Variants in MEGF11 observed in about 807,000 individuals in gnomAD.
MEGF11 encodes the protein multiple epidermal growth factor-like domains protein 11.
A neutral mutation model predicts 146.6 loss-of-function variants in MEGF11; 126 were observed. The observed-to-expected ratio is 0.86, with a 90% CI of 0.74 to 1.00. The LOEUF is 1.00. MEGF11 is among the 50% of genes least tolerant of loss of function. MEGF11 has a pLI of 0.00. For synonymous variants in MEGF11, 532 were observed against 583.4 expected (o/e 0.91, Z 1.27); for missense variants, 1,509 against 1,521.2 (o/e 0.99, Z 0.13).
Position 65,930,806 on chromosome 15 carries a change from G to A in MEGF11, c.1408+17C>T. 1 of 1,596,038 alleles carries A rather than the reference G, an allele frequency of 6.3e-7. No individual in the cohort carries two copies. Among genetic ancestry groups the A allele is most frequent in the Middle Eastern group, 1.7e-4 (1 of 6,010 alleles). ...GCTCATATGTCAGGGATGGGCTTGGGAGAGAGGGCACATTACCTTCCTTGC... is the reference window on the plus strand; with the variant it reads ...GCTCATATGTCAGGGATGGGCTTGGAAGAGAGGGCACATTACCTTCCTTGC... On this transcript the variant is annotated intron_variant, in intron 11 of 25. Coordinates refer to ENST00000395614, the MANE Select transcript of MEGF11 (RefSeq NM_001385028.1).
intron 1 of MEGF11, among the ~76,000 whole-genome samples, chr15:66,196,151 G>A (rs1290792178): frequency 6.6e-6 from 1 of 152,122 alleles, no homozygotes; most frequent in Non-Finnish European, 1.5e-5. Flanking sequence ...GGGAAAGCAG[G>A]CAGGTGGTAC....
intron 4 of MEGF11, among the ~76,000 whole-genome samples, chr15:66,103,773 C>G (rs73485568): frequency 3.2e-3 from 489 of 152,272 alleles, no homozygotes; most frequent in Non-Finnish European, 5.4e-3. Context: ...AACAGCACAT[C>G]GTAGTCTTTA....
rs769483111 is a variant in MEGF11 at position 65,913,914 on chromosome 15, C to T, written c.2533G>A (p.Glu845Lys). ...YTKISPALGA[E>K]RHSVGAVTGI... ...GTGACAGCACCCACCGAGTGCCGCT[C>T]TGCACCCAGTGCTGGGCTGATCTTG... Residue 845 changes from glutamate (E) to lysine (K), a missense_variant, in exon 20 of 26, where the codon GAG becomes AAG. Coordinates refer to ENST00000395614, the MANE Select transcript of MEGF11 (RefSeq NM_001385028.1). The T allele has an allele frequency of 6.2e-7, 1 of 1,614,052 alleles. No individual in the cohort carries two copies. Among genetic ancestry groups the T allele is most frequent in the Non-Finnish European group, 8.5e-7 (1 of 1,179,900 alleles).
chr15:66,119,678 T>TGG (rs2087922679), intron 3 of MEGF11, among the ~76,000 whole-genome samples: 3 of 152,094 alleles, frequency 2.0e-5, no homozygotes, highest in Non-Finnish European at 2.9e-5. Flanking sequence ...AAGGACCCTT[T>TGG]GAGTCCAACT....
At chr15:66,167,188 T>TG (rs1303937864) in intron 1 of MEGF11, among the ~76,000 whole-genome samples, 3 of 152,114 alleles carry the variant, frequency 2.0e-5, no homozygotes, top group African/African-American at 7.2e-5. Context: ...GCTCCCACCC[T>TG]GGGGGTAAAG....
At chr15:66,019,917 C>T (rs894056519) in intron 5 of MEGF11, among the ~76,000 whole-genome samples, 3 of 152,230 alleles carry the variant, frequency 2.0e-5, no homozygotes, top group Non-Finnish European at 4.4e-5. Context: ...CTATTTCCAC[C>T]GCTACCCATT....
At chr15:66,224,217 A>G (rs1369275269) in intron 1 of MEGF11, among the ~76,000 whole-genome samples, 1 of 152,176 alleles carries the variant, frequency 6.6e-6, no homozygotes, top group African/African-American at 2.4e-5. Context: ...CTGTAAACTG[A>G]GAGGATAATA....
chr15:66,198,745 A>C (rs2091074833), intron 1 of MEGF11, among the ~76,000 whole-genome samples: 1 of 151,916 alleles, frequency 6.6e-6, no homozygotes, highest in Non-Finnish European at 1.5e-5. Flanking sequence ...CTCGCCTCCG[A>C]AAGTGCTGGA....
intron 2 of MEGF11, among the ~76,000 whole-genome samples, chr15:66,126,598 G>C (rs1204975832): frequency 6.6e-6 from 1 of 152,256 alleles, no homozygotes; most frequent in Non-Finnish European, 1.5e-5. Context: ...CTGGAAGAGA[G>C]GGACTCTGGA....
In MEGF11 at chr15:66,002,016, G is replaced by A. The variant is rs900403805; in HGVS notation, c.395-19528C>T. On this transcript the variant is annotated intron_variant, in intron 5 of 25. Coordinates refer to ENST00000395614, the MANE Select transcript of MEGF11 (RefSeq NM_001385028.1). ...CTAATTGGCAGCTAATTGAATACTG[G>A]GGGTGGGAAATGGAATCCCCTCCCC... Among the ~76,000 whole-genome samples the A allele has an allele frequency of 1.1e-4, 17 of 152,140 alleles. 1 individual carries two copies. The highest frequency in any genetic ancestry group is 3.9e-4 in the African/African-American group (16 of 41,498).
intron 2 of MEGF11, 58 bp from the exon 3 acceptor site, chr15:66,124,058 T>C (rs1021612581): frequency 2.1e-6 from 3 of 1,397,762 alleles, no homozygotes; most frequent in Non-Finnish European, 1.0e-6. Context: ...TGAGCTGATA[T>C]TCCGCAGGGC....
chr15:66,025,733 G>GC (rs1031385671), intron 5 of MEGF11, among the ~76,000 whole-genome samples: 8 of 152,118 alleles, frequency 5.3e-5, no homozygotes, highest in African/African-American at 7.2e-5. Context: ...AATTTGTTCA[G>GC]CCCCCCGCCG....
chr15:66,093,673 C>G (rs987639278), intron 5 of MEGF11, among the ~76,000 whole-genome samples: 1 of 152,142 alleles, frequency 6.6e-6, no homozygotes, highest in Non-Finnish European at 1.5e-5. Context: ...GGGCAATAAA[C>G]CAGAGGGGAA....
intron 1 of MEGF11, among the ~76,000 whole-genome samples, chr15:66,215,757 A>G (rs1597156356): frequency 6.6e-6 from 1 of 152,164 alleles, no homozygotes; most frequent in East Asian, 1.9e-4. Context: ...CTCTCCAGAC[A>G]CCAGGCCACA....
intron 5 of MEGF11, among the ~76,000 whole-genome samples, chr15:66,081,033 G>A (rs761721718): frequency 2.0e-5 from 3 of 152,208 alleles, no homozygotes; most frequent in Non-Finnish European, 1.5e-5. Context: ...GAGGCCTCCC[G>A]GCTGGCACAG....
At chr15:66,178,249 G>C (rs995593207) in intron 1 of MEGF11, among the ~76,000 whole-genome samples, 2 of 152,164 alleles carry the variant, frequency 1.3e-5, no homozygotes, top group Admixed American at 6.5e-5. Context: ...GCTTCCCAAA[G>C]TGCTATGATT....
chr15:66,219,613 G>A (rs72746217), intron 1 of MEGF11, among the ~76,000 whole-genome samples: 8,599 of 152,040 alleles, frequency 0.057, 341 homozygotes, highest in East Asian at 0.15. Flanking sequence ...TTGCTGATGG[G>A]AATTTGAAAT....
chr15:66,133,695 G>A (rs956296462), intron 1 of MEGF11, among the ~76,000 whole-genome samples: 4 of 152,084 alleles, frequency 2.6e-5, no homozygotes, highest in South Asian at 2.1e-4. Flanking sequence ...AAGAAGCTTC[G>A]TCCTTTGCCT....
chr15:65,931,277 C>A (rs2079566694), intron 10 of MEGF11, among the ~76,000 whole-genome samples: 2 of 152,128 alleles, frequency 1.3e-5, no homozygotes, highest in Admixed American at 6.5e-5. Flanking sequence ...GAGGAAGGGG[C>A]CACGAGCTGA....
Sources: gnomAD v4.1 joint callset for allele counts (sites outside exome capture counted in the v4.1 genomes callset) on GRCh38, gnomAD v4.1.1 for gene constraint, MANE v1.5 for transcripts, NCBI Gene and HGNC (gene_info 2026-07-23, HGNC 2026-07-21) for gene names.